GABRB2: variants seen among roughly 807,000 people sequenced by gnomAD.
GABRB2 encodes the protein gamma-aminobutyric acid receptor subunit beta-2.
A neutral mutation model predicts 54.7 loss-of-function variants in GABRB2; 16 were observed. The observed-to-expected ratio is 0.29, with a 90% CI of 0.20 to 0.44. The LOEUF is 0.44. Ranked by LOEUF, GABRB2 falls within the 20% of genes least tolerant of loss-of-function variation. The pLI is 1.00. For missense variants in GABRB2, 355 were observed against 644.0 expected, an observed-to-expected ratio of 0.55 and a Z score of 4.86; for synonymous variants, 244 against 233.8, an observed-to-expected ratio of 1.04 and a Z score of -0.40.
chr5:161,457,358 G>T (rs748748621), intron 4 of GABRB2, among the ~76,000 whole-genome samples: 5 of 151,900 alleles, frequency 3.3e-5, no homozygotes, highest in African/African-American at 1.2e-4. Context: ...AGAATAACTT[G>T]TCGTCATTTT....
Position 161,463,564 on chromosome 5 carries a change from T to TAGATATAG in GABRB2, c.238-3721_238-3720insCTATATCT, listed in dbSNP as rs1561659524. 5.8e-4 allele frequency among the ~76,000 whole-genome samples: 51 copies of TAGATATAG among 87,488 alleles called. 2 individuals carry two copies. Among genetic ancestry groups the TAGATATAG allele is most frequent in the Non-Finnish European group, 1.3e-3 (46 of 36,448 alleles). 57.4% of individuals were successfully genotyped at this position (87,488 alleles called of 152,430 possible). On this transcript the variant is annotated intron_variant, in intron 3 of 9. Transcript: ENST00000393959. ...TTCCAAATATTTTTATTTATATATA[T>TAGATATAG]ATATATATATATATATATATATATA... is the stretch of plus-strand genomic sequence containing the variant.
At chr5:161,510,583 A>G (rs896357568) in intron 3 of GABRB2, among the ~76,000 whole-genome samples, 3 of 151,952 alleles carry the variant, frequency 2.0e-5, no homozygotes, top group Non-Finnish European at 2.9e-5. Context: ...GTGAATTTTA[A>G]TTATTGAAGC....
intron 9 of GABRB2, among the ~76,000 whole-genome samples, chr5:161,322,029 C>A (rs1187265820): frequency 1.3e-5 from 2 of 152,058 alleles, no homozygotes; most frequent in African/African-American, 2.4e-5. Context: ...TACATCATAG[C>A]AGTTAAATAT....
At chr5:161,332,586 T>C (rs186660746) in intron 7 of GABRB2, among the ~76,000 whole-genome samples, 3 of 152,266 alleles carry the variant, frequency 2.0e-5, no homozygotes, top group East Asian at 3.9e-4. Flanking sequence ...TCCAGCTTTG[T>C]AGCAAAATAG....
rs1757230229 is a variant in GABRB2 at position 161,291,254 on chromosome 5, T to C, written c.*2827A>G. 1 of 152,412 alleles carries C rather than the reference T, an allele frequency of 6.6e-6. No homozygotes were observed. Among genetic ancestry groups the C allele is most frequent in the Non-Finnish European group, 1.5e-5 (1 of 67,996 alleles). The allele number at this position is 152,412 out of a possible 1,614,324, so 9.4% of individuals were successfully genotyped here. ...ACCTTAATTGCTGGCTATCTGGCTG[T>C]TTATAATTAAAAGAAAATCTATACA... On this transcript the variant is annotated 3_prime_UTR_variant, in exon 10 of 10. Coordinates refer to ENST00000393959, the MANE Select transcript of GABRB2 (RefSeq NM_001371727.1).
At chr5:161,392,705 C>T (rs1755867750) in intron 5 of GABRB2, among the ~76,000 whole-genome samples, 1 of 152,146 alleles carries the variant, frequency 6.6e-6, no homozygotes, top group African/African-American at 2.4e-5. Flanking sequence ...CTGACTGGCA[C>T]ATAGAAAGTG....
chr5:161,368,453 T>C (rs972132449), intron 5 of GABRB2, among the ~76,000 whole-genome samples: 3 of 152,118 alleles, frequency 2.0e-5, no homozygotes, highest in Non-Finnish European at 2.9e-5. Flanking sequence ...CTTCAAACAA[T>C]TGTTTCTCAA....
At chr5:161,426,758 T>A (rs1481504763) in intron 4 of GABRB2, among the ~76,000 whole-genome samples, 2 of 151,844 alleles carry the variant, frequency 1.3e-5, no homozygotes, top group South Asian at 2.1e-4. Flanking sequence ...ATGTTGGAAA[T>A]TACACACAAT....
intron 3 of GABRB2, among the ~76,000 whole-genome samples, chr5:161,531,928 G>C (rs1245190575): frequency 6.6e-6 from 1 of 152,018 alleles, no homozygotes; most frequent in Non-Finnish European, 1.5e-5. Context: ...ATGTGACCTT[G>C]GACAAGTTCA....
At chr5:161,332,258 A>C (rs1753875241) in intron 7 of GABRB2, among the ~76,000 whole-genome samples, 1 of 152,112 alleles carries the variant, frequency 6.6e-6, no homozygotes, top group African/African-American at 2.4e-5. Flanking sequence ...AATAACAGCA[A>C]GGGTACTGAA....
chr5:161,438,106 C>T (rs1201946093), intron 4 of GABRB2, among the ~76,000 whole-genome samples: 1 of 152,148 alleles, frequency 6.6e-6, no homozygotes, highest in East Asian at 1.9e-4. Context: ...CCAGCATTGT[C>T]CTGGCTTTAG....
chr5:161,488,877 T>C (rs1164507529), intron 3 of GABRB2, among the ~76,000 whole-genome samples: 1 of 151,854 alleles, frequency 6.6e-6, no homozygotes, highest in Non-Finnish European at 1.5e-5. Context: ...AAAAAATAGT[T>C]AGCAAGCTCA....
At chr5:161,333,038 CAT>C (rs1753898629) in intron 7 of GABRB2, among the ~76,000 whole-genome samples, 2 of 152,134 alleles carry the variant, frequency 1.3e-5, no homozygotes, top group Admixed American at 6.5e-5. Context: ...ATAAAACTGA[CAT>C]TGCTGATTTT....
intron 5 of GABRB2, among the ~76,000 whole-genome samples, chr5:161,340,199 G>C (rs57160889): frequency 0.027 from 4,156 of 152,078 alleles, 84 homozygotes; most frequent in Middle Eastern, 0.085. Flanking sequence ...GGTTATATAA[G>C]AGATGCTGAT....
At chr5:161,513,925 G>C (rs930567244) in intron 3 of GABRB2, among the ~76,000 whole-genome samples, 1 of 152,090 alleles carries the variant, frequency 6.6e-6, no homozygotes, top group Non-Finnish European at 1.5e-5. Context: ...CTGGAGATGA[G>C]CTATAATATT....
At chr5:161,400,857 G>A (rs1756162422) in intron 5 of GABRB2, among the ~76,000 whole-genome samples, 1 of 152,138 alleles carries the variant, frequency 6.6e-6, no homozygotes. Context: ...AAGTCAGCTT[G>A]TTACACGTGA....
chr5:161,527,369 A>T (rs1760312687), intron 3 of GABRB2, among the ~76,000 whole-genome samples: 1 of 151,562 alleles, frequency 6.6e-6, no homozygotes, highest in Non-Finnish European at 1.5e-5. Context: ...CAAATTTTAT[A>T]TGAAAATTTT....
At chr5:161,481,344 A>G (rs1758756153) in intron 3 of GABRB2, among the ~76,000 whole-genome samples, 1 of 152,062 alleles carries the variant, frequency 6.6e-6, no homozygotes, top group African/African-American at 2.4e-5. Context: ...TGTCATTTTC[A>G]GTACTTTCTC....
intron 5 of GABRB2, among the ~76,000 whole-genome samples, chr5:161,372,644 T>G (rs978957415): frequency 7.2e-5 from 11 of 152,268 alleles, no homozygotes; most frequent in African/African-American, 2.6e-4. Flanking sequence ...TAGATAATAT[T>G]AACAATAATA....
Sources: gnomAD v4.1 joint callset for allele counts (sites outside exome capture counted in the v4.1 genomes callset) on GRCh38, gnomAD v4.1.1 for gene constraint, MANE v1.5 for transcripts, NCBI Gene and HGNC (gene_info 2026-07-23, HGNC 2026-07-21) for gene names.